Variants in MLXIP observed in about 807,000 individuals in gnomAD.
MLXIP encodes the protein MLX interacting protein.
MLXIP carries 30 observed loss-of-function variants against 87.2 expected under a neutral mutation model. The observed-to-expected ratio is 0.34, with a 90% confidence interval of 0.26 to 0.47. MLXIP has a LOEUF of 0.47. MLXIP is among the 20% of genes least tolerant of loss of function. The pLI is 1.00. For missense variants in MLXIP, 1,002 were observed against 1,240.1 expected (o/e 0.81, Z 2.88); for synonymous variants, 530 against 514.0 (o/e 1.03, Z -0.42).
chr12:122,105,864 G>C (rs1952511741), intron 1 of MLXIP, among the ~76,000 whole-genome samples: 2 of 150,742 alleles, frequency 1.3e-5, no homozygotes, highest in Non-Finnish European at 2.9e-5. Flanking sequence ...TTCTCTGTCT[G>C]CTTTACTTTA....
Position 122,129,950 on chromosome 12 carries a change from A to C in MLXIP, c.748A>C (p.Met250Leu). The stretch of plus-strand genomic sequence containing the variant: ...GTTGGTGTTGTGTTAGGACGATGAC[A>C]TGCTGTATTGGCACAAGCACGGGGA... The part of the protein sequence containing the change: ...DLSSLVQDDD[M>L]LYWHKHGDGW... Residue 250 changes from methionine to leucine, a missense_variant, in exon 6 of 17, where the codon ATG (methionine) becomes CTG (leucine). Met to Leu is a conservative substitution (Grantham distance 15). This residue lies in a region of MLXIP where 746 missense variants were observed against 897.0 expected (regional missense o/e 0.83). Coordinates refer to ENST00000319080, the MANE Select transcript of MLXIP (RefSeq NM_014938.6). The C allele has an allele frequency of 6.2e-7, 1 of 1,612,700 alleles. No homozygotes were observed.
At chr12:122,093,088 G>A (rs1952272420) in intron 1 of MLXIP, among the ~76,000 whole-genome samples, 2 of 110,676 alleles carry the variant, frequency 1.8e-5, no homozygotes, top group Non-Finnish European at 4.1e-5. Flanking sequence ...TGCTGTGTGT[G>A]TTGGTGTGTG....
intron 1 of MLXIP, among the ~76,000 whole-genome samples, chr12:122,081,081 T>A (rs1952084350): frequency 6.6e-6 from 1 of 152,046 alleles, no homozygotes; most frequent in Admixed American, 6.5e-5. Flanking sequence ...ATTTTAGTAA[T>A]GGCATTTTTT....
At chr12:122,120,778 T>A (rs572639310) in intron 1 of MLXIP, among the ~76,000 whole-genome samples, 31 of 152,172 alleles carry the variant, frequency 2.0e-4, no homozygotes, top group Non-Finnish European at 3.5e-4. Flanking sequence ...TCTTCAGCAC[T>A]CATTGTACCT....
chr12:122,123,892 G>A (rs748711092), intron 1 of MLXIP, among the ~76,000 whole-genome samples: 1 of 152,126 alleles, frequency 6.6e-6, no homozygotes, highest in Admixed American at 6.5e-5. Flanking sequence ...TCACTGCCTC[G>A]ATCAGGCTGA....
In MLXIP at chr12:122,127,328, C is replaced by T. The variant is rs768990412; in HGVS notation, c.486C>T (p.Leu162=). The T allele has an allele frequency of 6.2e-7, 1 of 1,613,334 alleles. No individual in the cohort carries two copies. Among genetic ancestry groups the T allele is most frequent in the Middle Eastern group, 1.7e-4 (1 of 6,060 alleles). Residue 162 remains leucine, a synonymous_variant, in exon 2 of 17, where the codon CTC becomes CTT. Transcript: ENST00000319080. ...TACAGTGGAGAGACAAGATCCGGCTCAATAATGCCATCTGGCGGGCCTGGT... is the reference window on the plus strand; with the variant it reads ...TACAGTGGAGAGACAAGATCCGGCTTAATAATGCCATCTGGCGGGCCTGGT... ...LKLQWRDKIR[L]NNAIWRAWYM...
chr12:122,135,736 G>T lies in MLXIP; in HGVS notation c.2032+70G>T, dbSNP rs552791948. 1.5e-5 allele frequency: 21 copies of T among 1,431,900 alleles called. No homozygotes were observed. Among genetic ancestry groups the T allele is most frequent in the Admixed American group, 1.2e-4 (4 of 34,662 alleles). The allele number at this position is 1,431,900 out of a possible 1,614,324, so 88.7% of individuals were successfully genotyped here. A position where few individuals can be genotyped will look rare whatever the true frequency, so the allele number is the denominator to read the frequency against. On this transcript the variant is annotated intron_variant, in intron 11 of 16. Transcript: ENST00000319080. The surrounding 1 kb of genome is among the most constrained non-coding windows in gnomAD (Gnocchi z 5.3). ...TAACTGGGCCTGCCGTAGACCATGG[G>T]GGGTGCTTGCTGGGTCCCCAGGACG... is the stretch of plus-strand genomic sequence containing the variant.
chr12:122,140,472 T>C (rs1452375893), intron 15 of MLXIP, among the ~76,000 whole-genome samples: 3 of 151,818 alleles, frequency 2.0e-5, no homozygotes, highest in East Asian at 3.9e-4. Context: ...AATTTTTGTA[T>C]TAGTAGAGAT....
chr12:122,140,187 G>T (rs1953172436), intron 15 of MLXIP, among the ~76,000 whole-genome samples: 1 of 152,228 alleles, frequency 6.6e-6, no homozygotes, highest in African/African-American at 2.4e-5. Flanking sequence ...AGTCCGAGGG[G>T]AAACATGCCT....
At chr12:122,092,925 T>TTGGTGTGTGGGATGTGTGC (rs1389932889) in intron 1 of MLXIP, among the ~76,000 whole-genome samples, 2 of 140,168 alleles carry the variant, frequency 1.4e-5, no homozygotes, top group East Asian at 4.3e-4. Context: ...GTGATGTGTG[T>TTGGTGTGTGGGATGTGTGC]GGGGTGTGGT....
intron 1 of MLXIP, among the ~76,000 whole-genome samples, chr12:122,082,415 T>G (rs1230660623): frequency 6.6e-6 from 1 of 152,172 alleles, no homozygotes; most frequent in Non-Finnish European, 1.5e-5. Context: ...TGCTATTCAA[T>G]GGGAAAGATA....
In MLXIP at chr12:122,142,391, G is replaced by A; in HGVS notation, c.*579G>A. 1 of 509,376 alleles carries A rather than the reference G, an allele frequency of 2.0e-6. No homozygotes were observed. The highest frequency in any genetic ancestry group is 1.9e-5 in the African/African-American group (1 of 52,492). 31.6% of individuals were successfully genotyped at this position (509,376 alleles called of 1,614,324 possible). ...ATGCATGGCAGGCTGCCAGGGGGAA[G>A]TGCCTTCTTCAGAGGTCCTCCAGGA... On this transcript the variant is annotated 3_prime_UTR_variant, in exon 17 of 17. Transcript: ENST00000319080.
chr12:122,122,390 GTCTC>G (rs1167325510), intron 1 of MLXIP, among the ~76,000 whole-genome samples: 1 of 151,978 alleles, frequency 6.6e-6, no homozygotes, highest in Admixed American at 6.6e-5. Flanking sequence ...TTTAGACAGG[GTCTC>G]TCTCTGTCAC....
chr12:122,086,516 A>G (rs1952170479), intron 1 of MLXIP, among the ~76,000 whole-genome samples: 1 of 152,112 alleles, frequency 6.6e-6, no homozygotes, highest in East Asian at 1.9e-4. Flanking sequence ...GATTTATGTG[A>G]TGGCTGATGA....
chr12:122,100,459 C>T (rs1952420282), intron 1 of MLXIP, among the ~76,000 whole-genome samples: 1 of 152,176 alleles, frequency 6.6e-6, no homozygotes, highest in African/African-American at 2.4e-5. Flanking sequence ...CAAATGCATA[C>T]TCATTTTTGC....
intron 1 of MLXIP, among the ~76,000 whole-genome samples, chr12:122,124,794 G>A (rs981605041): frequency 6.6e-6 from 1 of 152,096 alleles, no homozygotes; most frequent in Non-Finnish European, 1.5e-5. Flanking sequence ...ACTTTTGGAG[G>A]CCGAGGTGGG....
At chr12:122,131,441 C>A (rs1489823339) in intron 7 of MLXIP, among the ~76,000 whole-genome samples, 2 of 76,572 alleles carry the variant, frequency 2.6e-5, no homozygotes, top group South Asian at 5.7e-4. Context: ...TTGTTTGAGT[C>A]TTTTTTTTTT....
intron 8 of MLXIP, 36 bp downstream of exon 8, chr12:122,132,419 T>TG: frequency 6.6e-7 from 1 of 1,524,748 alleles, no homozygotes; most frequent in South Asian, 1.2e-5. Flanking sequence ...GGGAAGGGGC[T>TG]GGCAGGCACA....
rs4758684 is a variant in MLXIP, at chr12:122,142,824, G to A, written c.*1012G>A. 44,188 of 158,808 alleles carry A rather than the reference G, an allele frequency of 0.28. 6,608 individuals carry two copies. The highest frequency in any genetic ancestry group is 0.36 in the Admixed American group (5,871 of 16,520). The allele number at this position is 158,808 out of a possible 1,614,324, so 9.8% of individuals were successfully genotyped here. ...GCCCCCACACTCAAAAGTCTGTCCC[G>A]TCTTGTGTTTGGAGAAGGAAACAAT... On this transcript the variant is annotated 3_prime_UTR_variant, in exon 17 of 17. Coordinates refer to ENST00000319080, the MANE Select transcript of MLXIP (RefSeq NM_014938.6).
Sources: gnomAD v4.1 joint callset for allele counts (sites outside exome capture counted in the v4.1 genomes callset) on GRCh38, gnomAD v4.1.1 for gene constraint, gnomAD v4.1.1 regional missense constraint, Gnocchi (gnomAD v3.1) non-coding constraint, MANE v1.5 for transcripts, NCBI Gene and HGNC (gene_info 2026-07-23, HGNC 2026-07-21) for gene names.